RNPC3: variants seen among roughly 807,000 people sequenced by gnomAD.
RNPC3 encodes the protein RNA-binding region-containing protein 3.
In RNPC3, 48 loss-of-function variants were observed where a neutral mutation model predicts 67.5. The ratio of observed to expected loss-of-function variants is 0.71; its 90% CI spans 0.56 to 0.90. RNPC3 has a LOEUF of 0.90. RNPC3 is among the 40% of genes least tolerant of loss of function. RNPC3 has a pLI of 0.00. For synonymous variants in RNPC3, 239 were observed against 210.3 expected (o/e 1.14, Z -1.18); for missense variants, 637 against 626.1 (o/e 1.02, Z -0.19).
chr1:103,545,882 T>C (rs1024870166), intron 10 of RNPC3: 1 of 153,014 alleles, frequency 6.5e-6, no homozygotes, highest in Non-Finnish European at 1.5e-5. Flanking sequence ...ATGACTCATC[T>C]TAACGGACCT....
rs1292386517 is a variant in RNPC3, at chr1:103,525,995, C to A, written c.-76C>A. ...TTAGCGCGAGGCGGAAAAAATATTT[C>A]TCCCAGCTTGTGTTGATGCCGCGAT... is the stretch of plus-strand genomic sequence containing the variant. On this transcript the variant is annotated 5_prime_UTR_variant, in exon 1 of 15. Transcript: ENST00000423855. 2 of 1,174,466 alleles carry A rather than the reference C, an allele frequency of 1.7e-6. No homozygotes were observed. The highest frequency in any genetic ancestry group is 2.8e-5 in the Admixed American group (1 of 36,078). The allele number at this position is 1,174,466 out of a possible 1,614,324, so 72.8% of individuals were successfully genotyped here. A position where few individuals can be genotyped will look rare whatever the true frequency, so the allele number is the denominator to read the frequency against.
chr1:103,543,534 T>C (rs961028247), intron 9 of RNPC3, 87 bp downstream of exon 9: 5 of 985,304 alleles, frequency 5.1e-6, no homozygotes, highest in Middle Eastern at 2.3e-4. Flanking sequence ...TATTTTAGTA[T>C]TTGTCAACTT....
At chr1:103,532,370 C>T (rs754270275) in intron 2 of RNPC3, among the ~76,000 whole-genome samples, 49 of 152,168 alleles carry the variant, frequency 3.2e-4, no homozygotes, top group Non-Finnish European at 5.3e-4. Flanking sequence ...GAGATGGCTC[C>T]TGGTGGAGCA....
At chr1:103,548,903 G>T (rs1330536076) in intron 12 of RNPC3, among the ~76,000 whole-genome samples, 1 of 152,286 alleles carries the variant, frequency 6.6e-6, no homozygotes, top group East Asian at 1.9e-4. Context: ...GCAAGGAGGA[G>T]CAAGTCACAT....
intron 13 of RNPC3, 78 bp from the exon 14 acceptor site, chr1:103,551,643 C>CTCCCACCATAA: frequency 2.3e-6 from 2 of 857,118 alleles, no homozygotes; most frequent in Non-Finnish European, 3.6e-6. Flanking sequence ...TCCCACCATA[C>CTCCCACCATAA]ACTAGAAAGT....
In RNPC3 at chr1:103,541,416, T is replaced by C. The variant is rs948440628; in HGVS notation, c.834T>C (p.His278=). Residue 278 remains histidine (H), a synonymous_variant, in exon 8 of 15, where the codon CAT becomes CAC. Coordinates refer to ENST00000423855, the MANE Select transcript of RNPC3 (RefSeq NM_017619.4). ...GACCTAAAACAATAAAGCAGCGCCA[T>C]GTGAGAAAAAAGAGAAAAATAAAGG... ...PKRPKTIKQR[H]VRKKRKIKDM... is the part of the protein sequence containing the mutation. The C allele has an allele frequency of 2.4e-5, 36 of 1,496,300 alleles. No individual in the cohort carries two copies. Among genetic ancestry groups the C allele is most frequent in the Non-Finnish European group, 3.2e-5 (36 of 1,133,754 alleles). The allele number at this position is 1,496,300 out of a possible 1,614,324, so 92.7% of individuals were successfully genotyped here. A position where few individuals can be genotyped will look rare whatever the true frequency, so the allele number is the denominator to read the frequency against.
At position 103,533,792 on chromosome 1, in the gene RNPC3, A is replaced by AT; in HGVS notation, c.297dup (p.Ala100CysfsTer17). On this transcript the variant is annotated frameshift_variant, in exon 3 of 15. Coordinates refer to ENST00000423855, the MANE Select transcript of RNPC3 (RefSeq NM_017619.4). LOFTEE classifies it high-confidence loss of function. ...TTTTAGGTCATACTTTAGTCGTTGA[A>AT]TTTGCAAAAGAGCAAGATCGAGTTC... 1 of 1,535,574 alleles carries AT rather than the reference A, an allele frequency of 6.5e-7. No individual in the cohort carries two copies. Among genetic ancestry groups the AT allele is most frequent in the African/African-American group, 1.4e-5 (1 of 73,056 alleles).
intron 1 of RNPC3, among the ~76,000 whole-genome samples, chr1:103,526,895 A>G (rs1261284801): frequency 6.6e-6 from 1 of 152,182 alleles, no homozygotes; most frequent in Non-Finnish European, 1.5e-5. Context: ...GCGATGGTGC[A>G]AGACTCAGTG....
intron 10 of RNPC3, 50 bp downstream of exon 10, chr1:103,545,152 A>G: frequency 1.4e-6 from 2 of 1,430,954 alleles, no homozygotes; most frequent in Non-Finnish European, 1.9e-6. Flanking sequence ...CATATCTTTG[A>G]CTCTATAGAA....
chr1:103,550,371 C>T (rs917103875), intron 12 of RNPC3, among the ~76,000 whole-genome samples: 3 of 151,226 alleles, frequency 2.0e-5, no homozygotes, highest in Non-Finnish European at 4.4e-5. Context: ...CGGTGGTCCA[C>T]GCCTGTAATC....
At position 103,551,752 on chromosome 1, in the gene RNPC3, A is replaced by C; in HGVS notation, c.1526A>C (p.Asp509Ala). The C allele has an allele frequency of 6.5e-7, 1 of 1,532,428 alleles. No homozygotes were observed. Among genetic ancestry groups the C allele is most frequent in the Non-Finnish European group, 8.8e-7 (1 of 1,136,800 alleles). The allele number at this position is 1,532,428 out of a possible 1,614,324, so 94.9% of individuals were successfully genotyped here. Residue 509 changes from aspartate (D) to alanine (A), a missense_variant, in exon 14 of 15, where the codon GAT becomes GCT. Asp to Ala is a moderately radical substitution (Grantham distance 126, BLOSUM62 -2). Coordinates refer to ENST00000423855, the MANE Select transcript of RNPC3 (RefSeq NM_017619.4). Reference sequence around the variant, plus strand: ...GCTCGATCTGCTAGACCAAAACAAGATCCTAAGGAAGGAAAAAGAAAGTGT... The same window carrying C: ...GCTCGATCTGCTAGACCAAAACAAGCTCCTAAGGAAGGAAAAAGAAAGTGT... ...QFARSARPKQ[D>A]PKEGKRKC
intron 2 of RNPC3, among the ~76,000 whole-genome samples, chr1:103,531,043 T>G (rs1343134977): frequency 6.6e-6 from 1 of 152,218 alleles, no homozygotes; most frequent in African/African-American, 2.4e-5. Flanking sequence ...ATCATTCTTA[T>G]GCCTTTGGGT....
chr1:103,534,701 T>C (rs1346509565), intron 3 of RNPC3, 73 bp from the exon 4 acceptor site: 7 of 773,038 alleles, frequency 9.1e-6, no homozygotes, highest in Non-Finnish European at 1.4e-5. Context: ...TTTGAAAAGG[T>C]AATTTATCTT....
chr1:103,534,493 A>G (rs1266874426), intron 3 of RNPC3, among the ~76,000 whole-genome samples: 8 of 152,030 alleles, frequency 5.3e-5, no homozygotes, highest in Non-Finnish European at 1.0e-4. Flanking sequence ...TTGTTCAGTG[A>G]CAATTATGCC....
chr1:103,530,021 G>C (rs1002895717), intron 2 of RNPC3, among the ~76,000 whole-genome samples: 2 of 151,954 alleles, frequency 1.3e-5, no homozygotes, highest in African/African-American at 4.8e-5. Context: ...CTTATGATCC[G>C]AGATGAATCA....
In RNPC3 at chr1:103,541,442, A is replaced by G; in HGVS notation, c.860A>G (p.Asp287Gly). 1 of 1,493,084 alleles carries G rather than the reference A, an allele frequency of 6.7e-7. No individual in the cohort carries two copies. The highest frequency in any genetic ancestry group is 1.4e-5 in the African/African-American group (1 of 69,202). 92.5% of individuals were successfully genotyped at this position (1,493,084 alleles called of 1,614,324 possible). A position where few individuals can be genotyped will look rare whatever the true frequency, so the allele number is the denominator to read the frequency against. Residue 287 changes from aspartate (D) to glycine (G), a missense_variant, in exon 8 of 15, where the codon GAT (aspartate) becomes GGT (glycine). Coordinates refer to ENST00000423855, the MANE Select transcript of RNPC3 (RefSeq NM_017619.4). ...RHVRKKRKIK[D>G]MLNTPLCPSH... Reference sequence around the variant, plus strand: ...GTGAGAAAAAAGAGAAAAATAAAGGATATGTTGAATACACCTTTGTGTCCT... The same window carrying G: ...GTGAGAAAAAAGAGAAAAATAAAGGGTATGTTGAATACACCTTTGTGTCCT...
chr1:103,535,141 G>A (rs931685444), intron 4 of RNPC3, among the ~76,000 whole-genome samples, 189 bp from the exon 5 acceptor site: 6 of 152,004 alleles, frequency 3.9e-5, no homozygotes, highest in Non-Finnish European at 8.8e-5. Context: ...AGAGCTACAA[G>A]ATAAACCTCT....
intron 11 of RNPC3, 140 bp from the exon 12 acceptor site, chr1:103,546,837 G>A (rs1018336971): frequency 1.9e-6 from 1 of 515,480 alleles, no homozygotes; most frequent in Non-Finnish European, 3.4e-6. Context: ...TTCCCCTTTT[G>A]AAAGGCCACC....
intron 1 of RNPC3, among the ~76,000 whole-genome samples, chr1:103,527,325 G>T (rs1271661513): frequency 1.3e-5 from 2 of 152,154 alleles, no homozygotes; most frequent in African/African-American, 2.4e-5. Context: ...TTTAAACTAC[G>T]CATTGTTATG....
Sources: allele counts gnomAD v4.1 joint callset (sites outside exome capture counted in the v4.1 genomes callset), GRCh38; gene constraint gnomAD v4.1.1; transcripts MANE v1.5; gene names NCBI Gene and HGNC (gene_info 2026-07-23, HGNC 2026-07-21).